Variants in FOXN3 observed in about 807,000 individuals in gnomAD.
FOXN3 encodes the protein forkhead box N3.
Under a neutral mutation model 38.4 loss-of-function variants are expected in FOXN3, and 7 were observed. The ratio of observed to expected loss-of-function variants is 0.18; its 90% CI spans 0.10 to 0.34. The LOEUF is 0.34. Among genes scored for constraint, FOXN3 ranks in the 10% least tolerant of loss-of-function variants. FOXN3 has a pLI of 1.00. For synonymous variants in FOXN3, 230 were observed against 242.2 expected (o/e 0.95, Z 0.47); for missense variants, 456 against 613.4 (o/e 0.74, Z 2.71).
chr14:89,520,517 C>A (rs1488422056), intron 1 of FOXN3, among the ~76,000 whole-genome samples: 1 of 152,094 alleles, frequency 6.6e-6, no homozygotes, highest in Non-Finnish European at 1.5e-5. Flanking sequence ...TGGAAAGCCC[C>A]AAGTTTTGTG....
intron 1 of FOXN3, among the ~76,000 whole-genome samples, chr14:89,503,021 G>A (rs1893834824): frequency 6.6e-6 from 1 of 152,128 alleles, no homozygotes; most frequent in South Asian, 2.1e-4. Context: ...GCATTGAATG[G>A]CACCTACAAA....
intron 1 of FOXN3, among the ~76,000 whole-genome samples, chr14:89,481,950 T>C (rs924024876): frequency 6.6e-6 from 1 of 152,150 alleles, no homozygotes; most frequent in African/African-American, 2.4e-5. Flanking sequence ...GCTAGGACAG[T>C]CCTAGGCATA....
At chr14:89,616,711 T>G (rs1418493119) in intron 1 of FOXN3, among the ~76,000 whole-genome samples, 1 of 152,236 alleles carries the variant, frequency 6.6e-6, no homozygotes, top group Non-Finnish European at 1.5e-5. Context: ...GTTCTAACTG[T>G]AGACATACAA....
chr14:89,579,265 C>T (rs904737520), intron 1 of FOXN3, among the ~76,000 whole-genome samples: 5 of 151,934 alleles, frequency 3.3e-5, no homozygotes, highest in Admixed American at 2.0e-4. Context: ...ATCCTCCCAC[C>T]TCAGCCTCCT....
chr14:89,585,971 A>G (rs1286919467), intron 1 of FOXN3, among the ~76,000 whole-genome samples: 2 of 152,136 alleles, frequency 1.3e-5, no homozygotes, highest in African/African-American at 2.4e-5. Context: ...ATGGGAAGTA[A>G]CATTCAAGCG....
At chr14:89,528,638 T>C (rs422463) in intron 1 of FOXN3, among the ~76,000 whole-genome samples, 99,988 of 151,370 alleles carry the variant, frequency 0.66, 33,727 homozygotes, top group East Asian at 0.82. Context: ...TCAGATGATC[T>C]GCCCACCTTG....
chr14:89,327,645 T>C (rs1255435567), intron 3 of FOXN3, among the ~76,000 whole-genome samples: 1 of 152,246 alleles, frequency 6.6e-6, no homozygotes, highest in Non-Finnish European at 1.5e-5. Flanking sequence ...TTCAGACTAC[T>C]AGTTTACCCC....
rs553630431 is a variant in FOXN3 at position 89,163,668 on chromosome 14, G to C, written c.852-699C>G. Among the ~76,000 whole-genome samples the C allele has an allele frequency of 3.3e-5, 5 of 152,162 alleles. No homozygotes were observed. The highest frequency in any genetic ancestry group is 7.4e-5 in the Non-Finnish European group (5 of 68,024). On this transcript the variant is annotated intron_variant, in intron 5 of 5. Transcript: ENST00000557258. The surrounding 1 kb of genome is among the most constrained non-coding windows in gnomAD (Gnocchi z 4.3). ...AGAGGGCAATAAACTACGACTTCCC[G>C]AACTCAACACCTGCCAGGCGCTCTG...
intron 1 of FOXN3, among the ~76,000 whole-genome samples, chr14:89,556,406 A>G (rs1895125047): frequency 6.6e-6 from 1 of 150,822 alleles, no homozygotes. Flanking sequence ...TCCATCTCAA[A>G]AAAAAAAAAA....
At chr14:89,254,328 C>T (rs764914979) in intron 4 of FOXN3, among the ~76,000 whole-genome samples, 6 of 152,174 alleles carry the variant, frequency 3.9e-5, no homozygotes, top group Non-Finnish European at 5.9e-5. Context: ...GAGCCTGGAA[C>T]GTTTCCCCAA....
chr14:89,605,479 A>C (rs1399810117), intron 1 of FOXN3, among the ~76,000 whole-genome samples: 1 of 152,144 alleles, frequency 6.6e-6, no homozygotes, highest in Admixed American at 6.5e-5. Flanking sequence ...AATAAAGAAA[A>C]AGAAATATGG....
At chr14:89,309,867 G>A (rs1218886796) in intron 3 of FOXN3, among the ~76,000 whole-genome samples, 1 of 152,262 alleles carries the variant, frequency 6.6e-6, no homozygotes, top group Non-Finnish European at 1.5e-5. Flanking sequence ...TGCAGTCACA[G>A]ACCTACCTGA....
chr14:89,232,585 C>G (rs1444042963), intron 4 of FOXN3, among the ~76,000 whole-genome samples: 1 of 152,198 alleles, frequency 6.6e-6, no homozygotes, highest in Non-Finnish European at 1.5e-5. Context: ...ATGAGCAGCC[C>G]AGAGTTGTGC....
At chr14:89,350,481 C>T (rs557455925) in intron 3 of FOXN3, 191 bp downstream of exon 3, 13 of 432,718 alleles carry the variant, frequency 3.0e-5, no homozygotes, top group South Asian at 1.9e-4. Context: ...ATTCCTCTGA[C>T]GCTGCAGCAG....
chr14:89,532,781 C>T (rs1038827279), intron 1 of FOXN3, among the ~76,000 whole-genome samples: 1 of 152,090 alleles, frequency 6.6e-6, no homozygotes, highest in African/African-American at 2.4e-5. Flanking sequence ...GTGCCACTTA[C>T]ATAGATTTAA....
intron 3 of FOXN3, chr14:89,290,648 G>A (rs912342297): frequency 8.6e-6 from 4 of 464,052 alleles, no homozygotes; most frequent in African/African-American, 2.1e-5. Context: ...ACTTGAACAC[G>A]GGTGCATGTT....
intron 3 of FOXN3, among the ~76,000 whole-genome samples, chr14:89,336,170 A>G (rs10599664): frequency 1.0e-3 from 151 of 148,660 alleles, no homozygotes; most frequent in Middle Eastern, 3.4e-3. Context: ...ACACACACAC[A>G]CATTCATAAT....
upstream of FOXN3, among the ~76,000 whole-genome samples, chr14:89,421,878 A>G (rs1204522447): frequency 2.6e-5 from 4 of 151,866 alleles, no homozygotes; most frequent in East Asian, 7.8e-4. Flanking sequence ...ATATATACAT[A>G]CATATATACA....
At chr14:89,590,831 C>A (rs1008479135) in intron 1 of FOXN3, among the ~76,000 whole-genome samples, 11 of 152,306 alleles carry the variant, frequency 7.2e-5, no homozygotes, top group African/African-American at 2.4e-4. Flanking sequence ...TTTACCTTGT[C>A]TGATAGTAGG....
Sources: allele counts gnomAD v4.1 joint callset (sites outside exome capture counted in the v4.1 genomes callset), GRCh38; gene constraint gnomAD v4.1.1; non-coding constraint Gnocchi (gnomAD v3.1); transcripts MANE v1.5; gene names NCBI Gene and HGNC (gene_info 2026-07-23, HGNC 2026-07-21).